Variants in KCNT1 observed in about 807,000 individuals in gnomAD.
KCNT1 encodes potassium sodium-activated channel subfamily T member 1.
KCNT1 carries 78 observed loss-of-function variants against 147.8 expected under a neutral mutation model. The observed-to-expected ratio is 0.53, with a 90% CI of 0.44 to 0.64. The LOEUF is 0.64. Among genes scored for constraint, KCNT1 ranks in the 30% least tolerant of loss-of-function variants. The pLI, the probability that KCNT1 is intolerant of heterozygous loss-of-function variation, is 0.00. For synonymous variants in KCNT1, 867 were observed against 748.8 expected, an observed-to-expected ratio of 1.16 and a Z score of -2.58; for missense variants, 1,419 against 1,750.3, an observed-to-expected ratio of 0.81 and a Z score of 3.38.
chr9:135,740,573 C>T (rs1273820598), intron 2 of KCNT1, among the ~76,000 whole-genome samples: 3 of 152,246 alleles, frequency 2.0e-5, no homozygotes, highest in African/African-American at 7.2e-5. Context: ...GCCCCAGGCT[C>T]TGCAGGACAC....
In KCNT1 at chr9:135,768,952, C is replaced by A. The variant is rs1416512239; in HGVS notation, c.1510+15C>A. On this transcript the variant is annotated intron_variant, in intron 15 of 30. Coordinates refer to ENST00000371757, the MANE Select transcript of KCNT1 (RefSeq NM_020822.3). ...CAAGTTTGCTGGTGCGTCTGGGGCA[C>A]ACGTGGGTGATGGTGTATCTGGGGC... The A allele has an allele frequency of 6.3e-7, 1 of 1,589,546 alleles. No homozygotes were observed. Among genetic ancestry groups the A allele is most frequent in the Non-Finnish European group, 8.6e-7 (1 of 1,162,464 alleles).
chr9:135,704,329 A>G (rs975764337), intron 1 of KCNT1, among the ~76,000 whole-genome samples: 1 of 151,906 alleles, frequency 6.6e-6, no homozygotes, highest in Non-Finnish European at 1.5e-5. Flanking sequence ...ACCCCACCCC[A>G]CTCCAGTGCC....
rs1218938744 is a variant in KCNT1, at chr9:135,792,392, C to T, written c.*231C>T. On this transcript the variant is annotated 3_prime_UTR_variant, in exon 31 of 31. Coordinates refer to ENST00000371757, the MANE Select transcript of KCNT1 (RefSeq NM_020822.3). ...AGTTTTTTAACCTATTTTTACACGT[C>T]GATGCAGTCCACTTCTCTTTACACA... The T allele has an allele frequency of 1.9e-5, 9 of 469,736 alleles. No homozygotes were observed. Among genetic ancestry groups the T allele is most frequent in the Admixed American group, 1.1e-4 (3 of 27,418 alleles). The allele number at this position is 469,736 out of a possible 1,614,324, so 29.1% of individuals were successfully genotyped here. A position where few individuals can be genotyped will look rare whatever the true frequency, so the allele number is the denominator to read the frequency against.
In KCNT1 at chr9:135,724,324, C is replaced by T. The variant is rs147420339; in HGVS notation, c.254+9604C>T. On this transcript the variant is annotated intron_variant, in intron 2 of 30. Transcript: ENST00000371757. Reference sequence around the variant, plus strand: ...GTGGGCGGGTAGAGACAGCGGGCCCCGCGTGCACTCCCATCCTGAGCCCCC... The same window carrying T: ...GTGGGCGGGTAGAGACAGCGGGCCCTGCGTGCACTCCCATCCTGAGCCCCC... Among the ~76,000 whole-genome samples the T allele has an allele frequency of 5.4e-3, 822 of 152,346 alleles. 2 individuals carry two copies. The highest frequency in any genetic ancestry group is 8.6e-3 in the Non-Finnish European group (587 of 68,028).
intron 2 of KCNT1, among the ~76,000 whole-genome samples, chr9:135,720,417 A>G (rs1359515069): frequency 2.6e-5 from 4 of 151,884 alleles, no homozygotes; most frequent in Admixed American, 2.0e-4. Flanking sequence ...GACCTGGGTG[A>G]CTCGGTGTGC....
At chr9:135,765,332 C>T in intron 12 of KCNT1, 137 bp downstream of exon 12, 1 of 801,840 alleles carries the variant, frequency 1.2e-6, no homozygotes, top group African/African-American at 1.7e-5. Context: ...AGATGCCTCC[C>T]TCCCGGCGCC....
chr9:135,775,175 C>T, intron 19 of KCNT1, 135 bp from the exon 20 acceptor site: 1 of 582,922 alleles, frequency 1.7e-6, no homozygotes, highest in South Asian at 2.3e-5. Flanking sequence ...CACCTTGGGT[C>T]AGCTGTGCGT....
chr9:135,734,021 C>T (rs747854269), intron 2 of KCNT1, among the ~76,000 whole-genome samples: 6 of 152,094 alleles, frequency 3.9e-5, no homozygotes, highest in Non-Finnish European at 7.4e-5. Context: ...CCACCTGGTC[C>T]CCTGTCCTCT....
intron 2 of KCNT1, among the ~76,000 whole-genome samples, chr9:135,722,714 C>G (rs560791395): frequency 6.6e-6 from 1 of 152,284 alleles, no homozygotes; most frequent in East Asian, 1.9e-4. Context: ...TTGCACGTGG[C>G]GTCTTCTCAC....
rs375869783 is a variant in KCNT1, at chr9:135,784,132, G to A, written c.2943+7G>A. The A allele has an allele frequency of 4.1e-5, 65 of 1,601,374 alleles. No homozygotes were observed. The highest frequency in any genetic ancestry group is 4.5e-5 in the Non-Finnish European group (53 of 1,178,716). On this transcript the variant is annotated splice_region_variant and intron_variant, in intron 25 of 30. Coordinates refer to ENST00000371757, the MANE Select transcript of KCNT1 (RefSeq NM_020822.3). ...GGACACACTGCTCTACCAGGTCAGC[G>A]GGGAAGCGGCAGCAGGAGGGTGGCG...
At chr9:135,787,722 G>A (rs1386760783) in intron 29 of KCNT1, among the ~76,000 whole-genome samples, 2 of 152,172 alleles carry the variant, frequency 1.3e-5, no homozygotes, top group East Asian at 3.9e-4. Context: ...GTGTCCCCCT[G>A]TCCCCGCCTT....
In KCNT1 at chr9:135,714,140, C is replaced by G. The variant is rs950355661; in HGVS notation, c.111-437C>G. On this transcript the variant is annotated intron_variant, in intron 1 of 30. Transcript: ENST00000371757. The surrounding 1 kb of genome is among the most constrained non-coding windows in gnomAD (Gnocchi z 6.2). The stretch of plus-strand genomic sequence containing the variant: ...TGAAGGAAGATTGAGCAGCCGGCCT[C>G]GGCAAAGACCCTGGGGACGGGGAGG... Among the ~76,000 whole-genome samples the G allele has an allele frequency of 4.1e-4, 60 of 146,634 alleles. No individual in the cohort carries two copies. The highest frequency in any genetic ancestry group is 1.4e-3 in the African/African-American group (56 of 39,978).
Position 135,786,437 on chromosome 9 carries a change from C to A in KCNT1, c.3418C>A (p.Leu1140Met), listed in dbSNP as rs1237797436. Residue 1140 changes from leucine to methionine, a missense_variant, in exon 29 of 31, where the codon CTG (leucine) becomes ATG (methionine). Transcript: ENST00000371757. ...GTGGATCAGCCAGCAGCGCCTCAGC[C>A]TGTACCGGCGCTCTGAGCGCCAGGA... is the stretch of plus-strand genomic sequence containing the variant. ...AEWISQQRLS[L>M]YRRSERQELS... The A allele has an allele frequency of 5.0e-6, 8 of 1,596,032 alleles. No individual in the cohort carries two copies. Among genetic ancestry groups the A allele is most frequent in the Non-Finnish European group, 6.8e-6 (8 of 1,172,422 alleles).
At chr9:135,786,893 C>T (rs1326049477) in intron 29 of KCNT1, among the ~76,000 whole-genome samples, 2 of 152,204 alleles carry the variant, frequency 1.3e-5, no homozygotes, top group Admixed American at 6.5e-5. Context: ...GCCCTTTGGC[C>T]AGGGGAGGCA....
At chr9:135,709,410 GCCT>G (rs1221219523) in intron 1 of KCNT1, among the ~76,000 whole-genome samples, 2 of 152,116 alleles carry the variant, frequency 1.3e-5, no homozygotes, top group Non-Finnish European at 2.9e-5. Context: ...CCATGCCTGG[GCCT>G]CCTCGGCCAC....
intron 9 of KCNT1, 27 bp from the exon 10 acceptor site, chr9:135,758,387 C>T (rs781406476): frequency 3.3e-5 from 52 of 1,578,632 alleles, no homozygotes; most frequent in Admixed American, 1.2e-4. Context: ...AGTCCCTGCC[C>T]GCTGACAGCC....
At chr9:135,736,761 C>T (rs1383132063) in intron 2 of KCNT1, 8 of 378,418 alleles carry the variant, frequency 2.1e-5, no homozygotes, top group Non-Finnish European at 3.8e-5. Context: ...GCGGCGGGGG[C>T]TCCGTGGGCA....
chr9:135,775,444 C>T (rs760965495), intron 20 of KCNT1, 29 bp downstream of exon 20: 3 of 1,548,896 alleles, frequency 1.9e-6, no homozygotes, highest in Admixed American at 1.8e-5. Context: ...CCGCGCTCTG[C>T]ACCCCCAGAC....
At chr9:135,769,103 G>GCA (rs1832545869) in intron 15 of KCNT1, among the ~76,000 whole-genome samples, 166 bp downstream of exon 15, 1 of 129,624 alleles carries the variant, frequency 7.7e-6, no homozygotes. Flanking sequence ...GGCAGGATGC[G>GCA]TGTGCACACG....
Sources: allele counts gnomAD v4.1 joint callset (sites outside exome capture counted in the v4.1 genomes callset), GRCh38; gene constraint gnomAD v4.1.1; non-coding constraint Gnocchi (gnomAD v3.1); transcripts MANE v1.5; gene names NCBI Gene and HGNC (gene_info 2026-07-23, HGNC 2026-07-21).